The following CHRM3 variants were observed in gnomAD, a reference collection of about 807,000 sequenced individuals.
CHRM3 encodes the protein muscarinic acetylcholine receptor M3.
CHRM3 carries 11 observed loss-of-function variants against 41.8 expected under a neutral mutation model. The observed-to-expected ratio is 0.26, with a 90% CI of 0.17 to 0.44. The LOEUF is 0.44. CHRM3 is among the 20% of genes least tolerant of loss of function. The probability of loss-of-function intolerance (pLI) is 1.00; values close to 1 mark genes in which losing one functional copy is unlikely to be tolerated. For missense variants in CHRM3, 571 were observed against 745.4 expected (o/e 0.77, Z 2.72); for synonymous variants, 297 against 301.4 (o/e 0.99, Z 0.15).
chr1:239,618,799 G>C (rs1245153464), intron 3 of CHRM3, among the ~76,000 whole-genome samples: 1 of 140,752 alleles, frequency 7.1e-6, no homozygotes, highest in Non-Finnish European at 1.5e-5. Context: ...AGCCGAGATC[G>C]CGCCCCTGCA....
chr1:239,448,205 C>A (rs1664291940), intron 1 of CHRM3, among the ~76,000 whole-genome samples: 2 of 152,146 alleles, frequency 1.3e-5, no homozygotes, highest in Admixed American at 1.3e-4. Flanking sequence ...ATAACAATGG[C>A]AACATTAATA....
At chr1:239,573,855 C>G (rs1309856483) in intron 3 of CHRM3, among the ~76,000 whole-genome samples, 1 of 151,990 alleles carries the variant, frequency 6.6e-6, no homozygotes, top group Non-Finnish European at 1.5e-5. Flanking sequence ...ACTCTTTTTC[C>G]TTAGCTTTAT....
intron 5 of CHRM3, among the ~76,000 whole-genome samples, chr1:239,726,308 G>A (rs1663430580): frequency 6.6e-6 from 1 of 151,808 alleles, no homozygotes; most frequent in Non-Finnish European, 1.5e-5. Context: ...ATACTCCTAT[G>A]TGTACCGAAC....
intron 5 of CHRM3, among the ~76,000 whole-genome samples, chr1:239,722,718 A>C (rs191486123): frequency 5.9e-5 from 9 of 152,062 alleles, no homozygotes; most frequent in African/African-American, 2.2e-4. Context: ...TAACATATTC[A>C]AGAGTGGCAT....
intron 6 of CHRM3, among the ~76,000 whole-genome samples, chr1:239,895,033 C>T (rs1678879096): frequency 6.6e-6 from 1 of 152,192 alleles, no homozygotes; most frequent in African/African-American, 2.4e-5. Flanking sequence ...AAAACAATTT[C>T]TGTATTATGT....
At chr1:239,491,580 A>G (rs1183915967) in intron 1 of CHRM3, among the ~76,000 whole-genome samples, 2 of 152,280 alleles carry the variant, frequency 1.3e-5, no homozygotes, top group African/African-American at 4.8e-5. Flanking sequence ...GTAGCCCTTC[A>G]CGCACTGTTA....
At chr1:239,406,050 T>C (rs10754669) in intron 1 of CHRM3, among the ~76,000 whole-genome samples, 142,579 of 152,100 alleles carry the variant, frequency 0.94, 67,553 homozygotes, top group East Asian at 1. Flanking sequence ...TGCCACCATG[T>C]CTGGCTAATT....
At chr1:239,737,621 C>G (rs566260696) in intron 5 of CHRM3, among the ~76,000 whole-genome samples, 155 of 152,240 alleles carry the variant, frequency 1.0e-3, no homozygotes, top group Non-Finnish European at 1.9e-3. Context: ...ACATTTGTAT[C>G]ACTGGTTCTT....
At chr1:239,388,189 T>A (rs1184008367) in intron 1 of CHRM3, among the ~76,000 whole-genome samples, 1 of 151,230 alleles carries the variant, frequency 6.6e-6, no homozygotes, top group Non-Finnish European at 1.5e-5. Context: ...CTGCAAGTGT[T>A]ACTGGAACCT....
In CHRM3 at chr1:239,684,759, A is replaced by AAAGG. The variant is rs1432187639; in HGVS notation, c.-147+6474_-147+6475insGAAG. Among the ~76,000 whole-genome samples, 152 of 127,320 alleles carry AAAGG rather than the reference A, an allele frequency of 1.2e-3. 1 individual carries two copies. The highest frequency in any genetic ancestry group is 2.5e-3 in the Non-Finnish European group (131 of 53,094). The allele number at this position is 127,320 out of a possible 152,430, so 83.5% of individuals were successfully genotyped here. A position where few individuals can be genotyped will look rare whatever the true frequency, so the allele number is the denominator to read the frequency against. On this transcript the variant is annotated intron_variant, in intron 5 of 6. Coordinates refer to ENST00000676153, the MANE Select transcript of CHRM3 (RefSeq NM_001375978.1). ...AAGAGAGAAAGAAAGAGAAAGAAAG[A>AAAGG]AAGAAAGAAAGAGAAAGAGAAAGAA...
intron 1 of CHRM3, among the ~76,000 whole-genome samples, chr1:239,393,072 A>G (rs555301056): frequency 5.3e-5 from 8 of 152,172 alleles, no homozygotes; most frequent in Non-Finnish European, 1.2e-4. Flanking sequence ...AGGCAGGAAG[A>G]TCACTTGAGG....
intron 1 of CHRM3, among the ~76,000 whole-genome samples, chr1:239,418,582 T>G (rs1271401805): frequency 6.6e-6 from 1 of 152,228 alleles, no homozygotes; most frequent in Non-Finnish European, 1.5e-5. Flanking sequence ...GAGAAATTTT[T>G]TTAATAGTTT....
At chr1:239,827,596 G>A (rs1203763721) in intron 6 of CHRM3, among the ~76,000 whole-genome samples, 1 of 152,088 alleles carries the variant, frequency 6.6e-6, no homozygotes, top group Non-Finnish European at 1.5e-5. Context: ...GACATAGGGT[G>A]GGTAAAAGGT....
At chr1:239,664,570 C>T (rs1191481490) in intron 4 of CHRM3, among the ~76,000 whole-genome samples, 1 of 152,084 alleles carries the variant, frequency 6.6e-6, no homozygotes, top group Admixed American at 6.5e-5. Context: ...CTGGTGAGCC[C>T]TAGGCCCCTT....
At chr1:239,806,984 T>C (rs1445783367) in intron 5 of CHRM3, among the ~76,000 whole-genome samples, 1 of 152,218 alleles carries the variant, frequency 6.6e-6, no homozygotes, top group Admixed American at 6.5e-5. Flanking sequence ...ATTCTACTTG[T>C]TCCTGGCTCC....
intron 6 of CHRM3, among the ~76,000 whole-genome samples, chr1:239,874,855 C>T (rs554513511): frequency 6.6e-6 from 1 of 151,904 alleles, no homozygotes; most frequent in Admixed American, 6.6e-5. Context: ...TGCACGACCA[C>T]GCCGGGCTAA....
At chr1:239,552,362 T>G (rs1659925040) in intron 3 of CHRM3, among the ~76,000 whole-genome samples, 1 of 147,844 alleles carries the variant, frequency 6.8e-6, no homozygotes. Flanking sequence ...TATGTATAGA[T>G]GATATGTATC....
intron 5 of CHRM3, among the ~76,000 whole-genome samples, chr1:239,754,651 C>G (rs73122562): frequency 2.0e-5 from 3 of 152,066 alleles, no homozygotes; most frequent in African/African-American, 7.3e-5. Flanking sequence ...TTCTGAAGGT[C>G]CTGCTTTAGA....
chr1:239,543,513 A>ATT (rs71166879), intron 2 of CHRM3, among the ~76,000 whole-genome samples: 11 of 145,236 alleles, frequency 7.6e-5, no homozygotes, highest in African/African-American at 1.3e-4. Flanking sequence ...GATTTATTTT[A>ATT]TTTTTTTTTT....
Sources: gnomAD v4.1 joint callset for allele counts (sites outside exome capture counted in the v4.1 genomes callset) on GRCh38, gnomAD v4.1.1 for gene constraint, MANE v1.5 for transcripts, NCBI Gene and HGNC (gene_info 2026-07-23, HGNC 2026-07-21) for gene names.